Variants in WDR33 observed in about 807,000 individuals in gnomAD.
WDR33 encodes the protein WD repeat domain 33, also known as pre-mRNA 3' end processing protein WDR33.
WDR33 carries 47 observed loss-of-function variants against 164.9 expected under a neutral mutation model. That is an observed-to-expected ratio of 0.29 (90% CI 0.23 to 0.36). The LOEUF (loss-of-function observed/expected upper bound fraction) is 0.36. Among genes scored for constraint, WDR33 ranks in the 10% least tolerant of loss-of-function variants. The probability of loss-of-function intolerance (pLI) is 1.00; values close to 1 mark genes in which losing one functional copy is unlikely to be tolerated. For missense variants in WDR33, 1,137 were observed against 1,754.1 expected (o/e 0.65, Z 6.28); for synonymous variants, 505 against 589.0 (o/e 0.86, Z 2.06).
chr2:127,773,460 C>T (rs532574628), intron 1 of WDR33, among the ~76,000 whole-genome samples: 90 of 152,244 alleles, frequency 5.9e-4, no homozygotes, highest in African/African-American at 1.2e-3. Flanking sequence ...TCCTGACTTT[C>T]GCACACCAAA....
chr2:127,709,393 T>C lies in WDR33; in HGVS notation c.3565+97A>G, dbSNP rs1686096805. On this transcript the variant is annotated intron_variant, in intron 20 of 21. Transcript: ENST00000322313. The surrounding 1 kb of genome is among the most constrained non-coding windows in gnomAD (Gnocchi z 5.0). ...GCCCAGCCCCCCGGGAGACATGAGC[T>C]GGAAAGAGGAGACCCGGTGCACCCC... is the stretch of plus-strand genomic sequence containing the variant. 2 of 1,191,528 alleles carry C rather than the reference T, an allele frequency of 1.7e-6. No homozygotes were observed. Among genetic ancestry groups the C allele is most frequent in the South Asian group, 1.3e-5 (1 of 78,158 alleles). 73.8% of individuals were successfully genotyped at this position (1,191,528 alleles called of 1,614,324 possible).
intron 1 of WDR33, among the ~76,000 whole-genome samples, chr2:127,808,425 T>G (rs912266577): frequency 7.2e-5 from 11 of 152,136 alleles, no homozygotes; most frequent in Admixed American, 6.6e-4. Flanking sequence ...ACACAAATCA[T>G]GAGTACAAGA....
chr2:127,800,857 T>C (rs1181736644), intron 1 of WDR33, among the ~76,000 whole-genome samples: 2 of 152,128 alleles, frequency 1.3e-5, no homozygotes, highest in Non-Finnish European at 2.9e-5. Context: ...AAAATAATTG[T>C]GTACACAGTA....
chr2:127,769,363 G>A (rs983463825), intron 2 of WDR33, among the ~76,000 whole-genome samples: 13 of 151,910 alleles, frequency 8.6e-5, no homozygotes, highest in African/African-American at 3.1e-4. Flanking sequence ...CCAGGGAGGC[G>A]GAGGTTGCAG....
In WDR33 at chr2:127,770,026, G is replaced by A. The variant is rs1687947917; in HGVS notation, c.204+752C>T. On this transcript the variant is annotated intron_variant, in intron 2 of 21. Coordinates refer to ENST00000322313, the MANE Select transcript of WDR33 (RefSeq NM_018383.5). This position sits in a 1 kb window ranked among gnomAD's most constrained non-coding sequence, Gnocchi z 4.9. Reference sequence around the variant, plus strand: ...CGTAAAGCCCTTTTCCTGACTCTAAGAAATACCTACCACCAGGGCTTGGAA... The same window carrying A: ...CGTAAAGCCCTTTTCCTGACTCTAAAAAATACCTACCACCAGGGCTTGGAA... Among the ~76,000 whole-genome samples the A allele has an allele frequency of 6.6e-6, 1 of 152,132 alleles. No individual in the cohort carries two copies. The highest frequency in any genetic ancestry group is 2.4e-5 in the African/African-American group (1 of 41,424).
chr2:127,783,599 CTTTTTTTTTTTTT>C lies in WDR33; in HGVS notation c.-23-12608_-23-12596del, dbSNP rs35345585. Reference sequence around the variant, plus strand: ...CTTCAGCTATTTTATTTCAGGACTCCTTTTTTTTTTTTTTTTTTTTTTTTTGAGACAGTCTCGC... The same window carrying C: ...CTTCAGCTATTTTATTTCAGGACTCCTTTTTTTTTTTTGAGACAGTCTCGC... On this transcript the variant is annotated intron_variant, in intron 1 of 21. Transcript: ENST00000322313. Among the ~76,000 whole-genome samples, 106 of 84,412 alleles carry C rather than the reference CTTTTTTTTTTTTT, an allele frequency of 1.3e-3. 1 individual carries two copies. Among genetic ancestry groups the C allele is most frequent in the African/African-American group, 4.8e-3 (97 of 20,226 alleles). The allele number at this position is 84,412 out of a possible 152,430, so 55.4% of individuals were successfully genotyped here.
intron 1 of WDR33, among the ~76,000 whole-genome samples, chr2:127,807,259 G>T (rs996506772): frequency 6.6e-6 from 1 of 152,202 alleles, no homozygotes; most frequent in Admixed American, 6.6e-5. Flanking sequence ...ACCTGCCTCG[G>T]CCTCCCAAAG....
Position 127,723,083 on chromosome 2 carries a change from C to T in WDR33, c.1292-39G>A, listed in dbSNP as rs1686481531. On this transcript the variant is annotated intron_variant, in intron 12 of 21. Coordinates refer to ENST00000322313, the MANE Select transcript of WDR33 (RefSeq NM_018383.5). The surrounding 1 kb of genome is among the most constrained non-coding windows in gnomAD (Gnocchi z 5.9). ...TACACCATTGTCAATAGAGAATTTA[C>T]AAAAGTAGCGACTGATAAAATTAAT... 2 of 1,545,314 alleles carry T rather than the reference C, an allele frequency of 1.3e-6. No homozygotes were observed. Among genetic ancestry groups the T allele is most frequent in the East Asian group, 2.3e-5 (1 of 44,330 alleles).
At chr2:127,785,756 G>A (rs1019638934) in intron 1 of WDR33, among the ~76,000 whole-genome samples, 2 of 152,020 alleles carry the variant, frequency 1.3e-5, no homozygotes, top group African/African-American at 4.8e-5. Context: ...TCCAAGTTTT[G>A]GCAATTATGA....
chr2:127,729,953 G>A (rs1686662872), intron 7 of WDR33, among the ~76,000 whole-genome samples: 1 of 152,152 alleles, frequency 6.6e-6, no homozygotes, highest in African/African-American at 2.4e-5. Context: ...CTTAAAAACA[G>A]AGGGACACAC....
intron 7 of WDR33, among the ~76,000 whole-genome samples, chr2:127,730,087 T>TCACG (rs1686666717): frequency 6.6e-6 from 1 of 152,182 alleles, no homozygotes; most frequent in South Asian, 2.1e-4. Flanking sequence ...AGGAGACTTT[T>TCACG]CACGACACAT....
chr2:127,782,349 G>A (rs980718962), intron 1 of WDR33, among the ~76,000 whole-genome samples: 9 of 151,898 alleles, frequency 5.9e-5, no homozygotes, highest in African/African-American at 9.7e-5. Flanking sequence ...CAGGGGTTGC[G>A]GCGAGCCGAG....
At chr2:127,767,867 G>A (rs988041803) in intron 4 of WDR33, among the ~76,000 whole-genome samples, 2 of 152,048 alleles carry the variant, frequency 1.3e-5, no homozygotes, top group Non-Finnish European at 2.9e-5. Flanking sequence ...CATTTACCTT[G>A]GGATGCTGCT....
chr2:127,787,394 T>C (rs1688619899), intron 1 of WDR33, among the ~76,000 whole-genome samples: 1 of 122,836 alleles, frequency 8.1e-6, no homozygotes, highest in Admixed American at 7.5e-5. Flanking sequence ...GACGGGGTGG[T>C]GGCCGGGCAG....
intron 18 of WDR33, among the ~76,000 whole-genome samples, chr2:127,711,509 G>A (rs973536407): frequency 1.3e-5 from 2 of 150,462 alleles, no homozygotes; most frequent in African/African-American, 4.9e-5. Context: ...ACATTACGCA[G>A]ATGTAAAGCT....
At chr2:127,761,908 G>A (rs1255098973) in intron 7 of WDR33, among the ~76,000 whole-genome samples, 1 of 152,198 alleles carries the variant, frequency 6.6e-6, no homozygotes. Flanking sequence ...GCCAAGTCAG[G>A]AGTGTTGAAG....
chr2:127,715,629 T>C (rs909203938), intron 17 of WDR33, among the ~76,000 whole-genome samples: 1 of 152,366 alleles, frequency 6.6e-6, no homozygotes, highest in East Asian at 1.9e-4. Flanking sequence ...CTGCAGCTAA[T>C]GGCTTCTTCA....
intron 7 of WDR33, among the ~76,000 whole-genome samples, chr2:127,744,433 G>A (rs972065093): frequency 2.0e-5 from 3 of 152,126 alleles, no homozygotes; most frequent in African/African-American, 7.2e-5. Context: ...GCAGAAAAAT[G>A]ACCTTAATAT....
At position 127,701,443 on chromosome 2, in the gene WDR33, C is replaced by A; in HGVS notation, c.*4880G>T. 2.5e-6 allele frequency: 3 copies of A among 1,205,330 alleles called. No individual in the cohort carries two copies. The highest frequency in any genetic ancestry group is 6.6e-5 in the East Asian group (2 of 30,490). The allele number at this position is 1,205,330 out of a possible 1,614,324, so 74.7% of individuals were successfully genotyped here. Reference sequence around the variant, plus strand: ...GCCCTGCCCCTTTCGCCGTCGCCGACCAATTGCCGCCCGAAGACCGAACCG... The same window carrying A: ...GCCCTGCCCCTTTCGCCGTCGCCGAACAATTGCCGCCCGAAGACCGAACCG... On this transcript the variant is annotated 3_prime_UTR_variant, in exon 22 of 22. Coordinates refer to ENST00000322313, the MANE Select transcript of WDR33 (RefSeq NM_018383.5).
Sources: gnomAD v4.1 joint callset for allele counts (sites outside exome capture counted in the v4.1 genomes callset) on GRCh38, gnomAD v4.1.1 for gene constraint, Gnocchi (gnomAD v3.1) non-coding constraint, MANE v1.5 for transcripts, NCBI Gene and HGNC (gene_info 2026-07-23, HGNC 2026-07-21) for gene names.